The following FANCC variants were observed in gnomAD, a reference collection of about 807,000 sequenced individuals.
FANCC encodes FA complementation group C.
In FANCC, 55 loss-of-function variants were observed where a neutral mutation model predicts 71.3. That is an observed-to-expected ratio of 0.77 (90% confidence interval 0.62 to 0.97). The LOEUF is 0.97. Ranked by LOEUF, FANCC falls within the 50% of genes least tolerant of loss-of-function variation. FANCC has a pLI of 0.00. For synonymous variants in FANCC, 275 were observed against 244.9 expected (o/e 1.12, Z -1.15); for missense variants, 678 against 670.9 (o/e 1.01, Z -0.12).
chr9:95,171,478 T>C (rs562209368), intron 5 of FANCC, among the ~76,000 whole-genome samples: 2 of 151,740 alleles, frequency 1.3e-5, no homozygotes, highest in Non-Finnish European at 2.9e-5. Context: ...AAAAAAGTTG[T>C]TATTGTACAA....
At chr9:95,174,639 TTTA>T (rs1229122670) in intron 4 of FANCC, among the ~76,000 whole-genome samples, 1 of 152,218 alleles carries the variant, frequency 6.6e-6, no homozygotes, top group African/African-American at 2.4e-5. Flanking sequence ...TTGAAAAAGT[TTTA>T]TTTGGAAATA....
At chr9:95,251,648 CA>C (rs1274300845) in intron 1 of FANCC, among the ~76,000 whole-genome samples, 1 of 151,548 alleles carries the variant, frequency 6.6e-6, no homozygotes, top group Non-Finnish European at 1.5e-5. Context: ...AATTCCCCAC[CA>C]AAAAAAATTT....
chr9:95,176,847 C>G (rs1347650031), intron 4 of FANCC, among the ~76,000 whole-genome samples: 1 of 152,342 alleles, frequency 6.6e-6, no homozygotes, highest in South Asian at 2.1e-4. Flanking sequence ...AGATGTTAAA[C>G]AAAACCATGC....
chr9:95,133,528 G>A (rs904934256), intron 8 of FANCC, among the ~76,000 whole-genome samples: 10 of 152,180 alleles, frequency 6.6e-5, no homozygotes, highest in African/African-American at 1.9e-4. Context: ...GCAATGGGAC[G>A]GCCTGCGTTC....
At chr9:95,220,251 C>A (rs1232406935) in intron 4 of FANCC, among the ~76,000 whole-genome samples, 1 of 152,192 alleles carries the variant, frequency 6.6e-6, no homozygotes, top group Non-Finnish European at 1.5e-5. Context: ...GAAATAGGAA[C>A]ACTTTTACAC....
intron 7 of FANCC, among the ~76,000 whole-genome samples, chr9:95,140,556 C>CT (rs2135274978): frequency 6.6e-6 from 1 of 152,266 alleles, no homozygotes; most frequent in East Asian, 1.9e-4. Flanking sequence ...GGAGGCCCAT[C>CT]TGAGAGGTTG....
chr9:95,177,404 C>T (rs970733186), intron 4 of FANCC, among the ~76,000 whole-genome samples: 75 of 152,188 alleles, frequency 4.9e-4, no homozygotes, highest in African/African-American at 1.8e-3. Flanking sequence ...ATATGAAGGC[C>T]GAAGACATGA....
intron 7 of FANCC, among the ~76,000 whole-genome samples, chr9:95,143,886 A>C (rs1829131562): frequency 6.6e-6 from 1 of 152,202 alleles, no homozygotes; most frequent in Non-Finnish European, 1.5e-5. Context: ...AGAAATTTAA[A>C]AGTTCCTCTA....
At chr9:95,117,460 T>C in intron 10 of FANCC, 70 bp from the exon 11 acceptor site, 2 of 1,267,340 alleles carry the variant, frequency 1.6e-6, no homozygotes, top group East Asian at 2.4e-5. Context: ...AATACAAAAC[T>C]CTGAGTCCTC....
chr9:95,213,698 A>G (rs1828652623), intron 4 of FANCC, among the ~76,000 whole-genome samples: 1 of 152,226 alleles, frequency 6.6e-6, no homozygotes, highest in Non-Finnish European at 1.5e-5. Flanking sequence ...CTAAAACTAT[A>G]AAATTCTTAG....
intron 4 of FANCC, among the ~76,000 whole-genome samples, chr9:95,195,154 C>G (rs371927039): frequency 7.4e-6 from 1 of 134,904 alleles, no homozygotes; most frequent in African/African-American, 2.9e-5. Flanking sequence ...GCCAAGATGG[C>G]GCCACTGCAC....
chr9:95,316,565 G>A (rs1189784585), intron 1 of FANCC, among the ~76,000 whole-genome samples: 1 of 152,206 alleles, frequency 6.6e-6, no homozygotes, highest in Non-Finnish European at 1.5e-5. Context: ...CAGTTTAGAT[G>A]CATTAAATGG....
chr9:95,280,372 G>T (rs1833310338), intron 1 of FANCC, among the ~76,000 whole-genome samples: 1 of 152,004 alleles, frequency 6.6e-6, no homozygotes, highest in South Asian at 2.1e-4. Flanking sequence ...AAAACAACTA[G>T]AAAGAAGATC....
intron 1 of FANCC, among the ~76,000 whole-genome samples, chr9:95,304,684 A>G (rs1177093673): frequency 1.5e-5 from 2 of 132,308 alleles, no homozygotes; most frequent in African/African-American, 2.8e-5. Flanking sequence ...TGGGAGGCGG[A>G]GGTTGCAGTG....
intron 4 of FANCC, among the ~76,000 whole-genome samples, chr9:95,222,962 T>G (rs944224919): frequency 1.4e-4 from 21 of 152,256 alleles, no homozygotes; most frequent in African/African-American, 4.8e-4. Flanking sequence ...TTGTTATACC[T>G]GGTTATTCAC....
intron 6 of FANCC, among the ~76,000 whole-genome samples, chr9:95,167,141 A>T (rs1825353015): frequency 6.6e-6 from 1 of 151,356 alleles, no homozygotes; most frequent in African/African-American, 2.4e-5. Context: ...GTATCATCCC[A>T]CTCCTTTCTG....
chr9:95,266,981 A>C (rs185734919), intron 1 of FANCC, among the ~76,000 whole-genome samples: 1 of 152,322 alleles, frequency 6.6e-6, no homozygotes. Flanking sequence ...ACATAAAAAG[A>C]AAAAAGGAAA....
chr9:95,248,434 A>G (rs533643374), intron 2 of FANCC, among the ~76,000 whole-genome samples: 4 of 152,326 alleles, frequency 2.6e-5, no homozygotes, highest in South Asian at 4.1e-4. Context: ...TTCTAAAGAC[A>G]TATGAACTCA....
intron 6 of FANCC, among the ~76,000 whole-genome samples, chr9:95,164,915 G>GA (rs1830977339): frequency 6.6e-6 from 1 of 151,926 alleles, no homozygotes; most frequent in African/African-American, 2.4e-5. Flanking sequence ...TCTGGTCCTG[G>GA]TTTTTTTCTT....
Sources: allele counts gnomAD v4.1 joint callset (sites outside exome capture counted in the v4.1 genomes callset), GRCh38; gene constraint gnomAD v4.1.1; transcripts MANE v1.5; gene names NCBI Gene and HGNC (gene_info 2026-07-23, HGNC 2026-07-21).